NRF1: variants seen among roughly 807,000 people sequenced by gnomAD.
The protein encoded by NRF1 is alpha palindromic-binding protein.
In NRF1, 5 loss-of-function variants were observed where a neutral mutation model predicts 58.5. That is an observed-to-expected ratio of 0.09 (90% confidence interval 0.04 to 0.18). The LOEUF (loss-of-function observed/expected upper bound fraction) is 0.18. Ranked by LOEUF, NRF1 falls within the 10% of genes least tolerant of loss-of-function variation. The pLI, the probability that NRF1 is intolerant of heterozygous loss-of-function variation, is 1.00. For missense variants in NRF1, 288 were observed against 657.7 expected, an observed-to-expected ratio of 0.44 and a Z score of 6.15; for synonymous variants, 224 against 246.7, an observed-to-expected ratio of 0.91 and a Z score of 0.86.
chr7:129,639,847 C>T (rs1422160988), intron 1 of NRF1, among the ~76,000 whole-genome samples: 5 of 152,248 alleles, frequency 3.3e-5, no homozygotes, highest in South Asian at 2.1e-4. Flanking sequence ...TGCGCTCTTC[C>T]GCCCCCCCTT....
In NRF1 at chr7:129,634,029, TAAAAAAA is replaced by T. The variant is rs34010272; in HGVS notation, c.-7+22212_-7+22218del. The stretch of plus-strand genomic sequence containing the variant: ...AATATTGTTTTTTTACATCTGTATT[TAAAAAAA>T]AAAAAAGATATATATATATATATAT... On this transcript the variant is annotated intron_variant, in intron 1 of 10. Transcript: ENST00000393232. Among the ~76,000 whole-genome samples the T allele has an allele frequency of 1.2e-3, 137 of 110,776 alleles. 1 individual carries two copies. The highest frequency in any genetic ancestry group is 5.0e-3 in the African/African-American group (130 of 26,176). 72.7% of individuals were successfully genotyped at this position (110,776 alleles called of 152,430 possible).
intron 2 of NRF1, among the ~76,000 whole-genome samples, chr7:129,670,781 A>G (rs75301514): frequency 2.6e-5 from 4 of 152,352 alleles, no homozygotes; most frequent in Non-Finnish European, 4.4e-5. Flanking sequence ...ACTAACTTTT[A>G]TTAACATTTT....
At chr7:129,701,242 A>G (rs115635958) in intron 5 of NRF1, among the ~76,000 whole-genome samples, 1 of 152,318 alleles carries the variant, frequency 6.6e-6, no homozygotes, top group African/African-American at 2.4e-5. Context: ...TTGTCAACTC[A>G]CTAGTAATGG....
intron 5 of NRF1, among the ~76,000 whole-genome samples, chr7:129,697,883 C>T (rs1205600059): frequency 3.3e-5 from 5 of 152,076 alleles, no homozygotes; most frequent in South Asian, 2.1e-4. Context: ...TACAGGCGGA[C>T]GCCACCACGC....
intron 5 of NRF1, among the ~76,000 whole-genome samples, chr7:129,696,511 G>C (rs1011706985): frequency 2.0e-5 from 3 of 152,138 alleles, no homozygotes; most frequent in Admixed American, 6.5e-5. Context: ...CTCAGATATA[G>C]CTTATAGCCA....
chr7:129,717,149 T>G, intron 8 of NRF1, 70 bp from the exon 9 acceptor site: 3 of 1,475,890 alleles, frequency 2.0e-6, no homozygotes, highest in Non-Finnish European at 2.7e-6. Flanking sequence ...TAGCAATTAT[T>G]AGAAAAATTA....
intron 1 of NRF1, among the ~76,000 whole-genome samples, chr7:129,647,601 G>A (rs1209249740): frequency 1.1e-4 from 16 of 151,840 alleles, no homozygotes; most frequent in Admixed American, 9.8e-4. Flanking sequence ...TCACCATGTT[G>A]GTCAGGCTAG....
At chr7:129,655,521 T>C (rs1179185137) in intron 1 of NRF1, among the ~76,000 whole-genome samples, 5 of 66,172 alleles carry the variant, frequency 7.6e-5, no homozygotes, top group African/African-American at 2.5e-4. Flanking sequence ...TTCTTCCTGA[T>C]CTTTTTTTTT....
chr7:129,677,828 C>A, intron 4 of NRF1, 70 bp downstream of exon 4: 2 of 1,583,734 alleles, frequency 1.3e-6, no homozygotes, highest in Non-Finnish European at 1.7e-6. Context: ...TTCTGATCCT[C>A]TGTCAAGTAT....
rs796885699 is a variant in NRF1 at position 129,741,477 on chromosome 7, A to T, written c.1349-13541A>T. Among the ~76,000 whole-genome samples the T allele has an allele frequency of 7.9e-5, 12 of 152,278 alleles. No homozygotes were observed. The highest frequency in any genetic ancestry group is 2.9e-4 in the African/African-American group (12 of 41,566). On this transcript the variant is annotated intron_variant, in intron 10 of 10. Transcript: ENST00000393232. This position sits in a 1 kb window ranked among gnomAD's most constrained non-coding sequence, Gnocchi z 4.0. ...CCTGTCATTGTGAGCGCTATTCTGT[A>T]AAGGGATTTTTTTTTCTGGCATACC...
intron 10 of NRF1, among the ~76,000 whole-genome samples, chr7:129,742,276 A>T (rs1313308217): frequency 5.1e-5 from 3 of 58,992 alleles, no homozygotes; most frequent in Non-Finnish European, 3.7e-5. Flanking sequence ...GAAATTGATT[A>T]AAAAAAAAAA....
rs74621962 is a variant in NRF1, at chr7:129,709,446, A to C, written c.765+213A>C. ...AAGACTGGGTTGAGTTGATGAATTT[A>C]AAATGTGTCTTCGGGGTTGCCTTTT... On this transcript the variant is annotated intron_variant, in intron 6 of 10. Coordinates refer to ENST00000393232, the MANE Select transcript of NRF1 (RefSeq NM_005011.5). Among the ~76,000 whole-genome samples the C allele has an allele frequency of 2.4e-3, 369 of 152,342 alleles. 1 individual carries two copies. The highest frequency in any genetic ancestry group is 3.5e-3 in the Non-Finnish European group (239 of 68,034).
At chr7:129,655,625 G>A (rs965918116) in intron 1 of NRF1, among the ~76,000 whole-genome samples, 1 of 151,928 alleles carries the variant, frequency 6.6e-6, no homozygotes, top group Admixed American at 6.6e-5. Flanking sequence ...GGGTTCAAGC[G>A]ATTCTTCTGC....
chr7:129,671,354 T>A, intron 2 of NRF1, 75 bp from the exon 3 acceptor site: 1 of 850,050 alleles, frequency 1.2e-6, no homozygotes, highest in South Asian at 1.6e-5. Context: ...CTACCTTTTT[T>A]GTACCTTTAA....
intron 5 of NRF1, among the ~76,000 whole-genome samples, chr7:129,700,879 G>A (rs1802808701): frequency 6.6e-6 from 1 of 152,122 alleles, no homozygotes; most frequent in Non-Finnish European, 1.5e-5. Flanking sequence ...TCATGCCACT[G>A]TACTTCAGCC....
chr7:129,714,614 G>T (rs558220927), intron 8 of NRF1, among the ~76,000 whole-genome samples: 2 of 152,180 alleles, frequency 1.3e-5, no homozygotes, highest in Non-Finnish European at 2.9e-5. Context: ...TGGAGTTCCT[G>T]AGGGGCAATT....
intron 1 of NRF1, among the ~76,000 whole-genome samples, chr7:129,621,585 A>T (rs997590543): frequency 6.6e-6 from 1 of 152,116 alleles, no homozygotes; most frequent in African/African-American, 2.4e-5. Context: ...ACTAGCCAAG[A>T]TTTGCTAAGT....
At chr7:129,645,454 A>G (rs897317696) in intron 1 of NRF1, among the ~76,000 whole-genome samples, 4 of 152,182 alleles carry the variant, frequency 2.6e-5, no homozygotes, top group Admixed American at 2.6e-4. Flanking sequence ...ATAATAAGAA[A>G]AAAGAATGGT....
In NRF1 at chr7:129,711,821, G is replaced by T. The variant is rs137909174; in HGVS notation, c.1065+245G>T. Among the ~76,000 whole-genome samples the T allele has an allele frequency of 2.9e-4, 44 of 152,038 alleles. No individual in the cohort carries two copies. The East Asian group carries it at 3.7e-3, about 13-fold the overall frequency. On this transcript the variant is annotated intron_variant, in intron 8 of 10. Transcript: ENST00000393232. ...TTTACATTTGAATGTATAGCATTTGGTATTATACACAATACAAAGGGATTA... is the reference window on the plus strand; with the variant it reads ...TTTACATTTGAATGTATAGCATTTGTTATTATACACAATACAAAGGGATTA...
Sources: allele counts gnomAD v4.1 joint callset (sites outside exome capture counted in the v4.1 genomes callset), GRCh38; gene constraint gnomAD v4.1.1; non-coding constraint Gnocchi (gnomAD v3.1); transcripts MANE v1.5; gene names NCBI Gene and HGNC (gene_info 2026-07-23, HGNC 2026-07-21).